The following TOX variants were observed in gnomAD, a reference collection of about 807,000 sequenced individuals.
TOX encodes the protein thymocyte selection associated high mobility group box, also known as thymocyte selection-associated high mobility group box protein TOX.
A neutral mutation model predicts 53.7 loss-of-function variants in TOX; 11 were observed. The observed-to-expected ratio is 0.20, with a 90% CI of 0.13 to 0.34. The LOEUF (loss-of-function observed/expected upper bound fraction) is 0.34. Ranked by LOEUF, TOX falls within the 10% of genes least tolerant of loss-of-function variation. TOX has a pLI of 1.00. For missense variants in TOX, 570 were observed against 664.6 expected, an observed-to-expected ratio of 0.86 and a Z score of 1.56; for synonymous variants, 225 against 245.3, an observed-to-expected ratio of 0.92 and a Z score of 0.77.
At chr8:59,046,137 G>C (rs1803678174) in intron 1 of TOX, among the ~76,000 whole-genome samples, 1 of 152,084 alleles carries the variant, frequency 6.6e-6, no homozygotes, top group South Asian at 2.1e-4. Context: ...TACCCTCCAT[G>C]TTGCATGTTT....
At chr8:59,070,181 C>G (rs1371433995) in intron 1 of TOX, among the ~76,000 whole-genome samples, 1 of 152,156 alleles carries the variant, frequency 6.6e-6, no homozygotes, top group Non-Finnish European at 1.5e-5. Flanking sequence ...GAATAATTCT[C>G]TCACATTTTT....
intron 1 of TOX, among the ~76,000 whole-genome samples, chr8:59,063,724 G>GAT (rs1160833165): frequency 6.6e-6 from 1 of 152,000 alleles, no homozygotes; most frequent in Non-Finnish European, 1.5e-5. Flanking sequence ...CCCGGCCCGG[G>GAT]ATAGACTTTT....
intron 1 of TOX, among the ~76,000 whole-genome samples, chr8:59,008,898 T>C (rs781028739): frequency 1.3e-5 from 2 of 152,172 alleles, no homozygotes; most frequent in African/African-American, 2.4e-5. Context: ...TAAACCACTT[T>C]TTTCGATAGG....
intron 1 of TOX, among the ~76,000 whole-genome samples, chr8:58,996,732 C>T (rs1441058548): frequency 6.6e-6 from 1 of 152,192 alleles, no homozygotes; most frequent in Non-Finnish European, 1.5e-5. Context: ...TTTCTAGCCA[C>T]ATTTATGCCC....
intron 1 of TOX, among the ~76,000 whole-genome samples, chr8:58,963,526 G>T (rs1397953449): frequency 6.6e-6 from 1 of 152,160 alleles, no homozygotes; most frequent in Admixed American, 6.5e-5. Flanking sequence ...GCTATCACTT[G>T]CTTTCTAGAG....
chr8:58,873,958 C>CTTTTTTTT (rs1173710545), intron 3 of TOX, among the ~76,000 whole-genome samples: 623 of 40,134 alleles, frequency 0.016, 213 homozygotes, highest in African/African-American at 0.071. Flanking sequence ...TGCCAGGAAG[C>CTTTTTTTT]TTTTTTTTTT....
chr8:59,034,318 A>T (rs970835606), intron 1 of TOX, among the ~76,000 whole-genome samples: 1 of 152,262 alleles, frequency 6.6e-6, no homozygotes, highest in East Asian at 1.9e-4. Flanking sequence ...ATTACTACAC[A>T]AACTGCTACC....
chr8:59,090,118 T>TC (rs1804585183), intron 1 of TOX, among the ~76,000 whole-genome samples: 1 of 152,224 alleles, frequency 6.6e-6, no homozygotes, highest in Non-Finnish European at 1.5e-5. Flanking sequence ...TTGAAGGGCT[T>TC]CTCAGAGCCT....
At chr8:58,939,609 A>AAC (rs3832587) in intron 2 of TOX, 65 bp from the exon 3 acceptor site, 632,063 of 1,544,564 alleles carry the variant, frequency 0.41, 131,461 homozygotes, top group South Asian at 0.56. Context: ...CATCATATCA[A>AAC]ACACTTGACC....
At chr8:58,884,014 A>C (rs980099352) in intron 3 of TOX, among the ~76,000 whole-genome samples, 1 of 152,174 alleles carries the variant, frequency 6.6e-6, no homozygotes, top group Non-Finnish European at 1.5e-5. Context: ...TGAACATTAA[A>C]AAAGAAAAAA....
intron 3 of TOX, among the ~76,000 whole-genome samples, chr8:58,872,991 T>C (rs919759498): frequency 8.5e-5 from 13 of 152,134 alleles, no homozygotes; most frequent in African/African-American, 2.9e-4. Context: ...TTTCACAATA[T>C]TTTTTTAAAT....
chr8:59,022,213 T>A (rs1188290845), intron 1 of TOX, among the ~76,000 whole-genome samples: 1 of 152,154 alleles, frequency 6.6e-6, no homozygotes, highest in Non-Finnish European at 1.5e-5. Flanking sequence ...TGAAATGGAG[T>A]TAAACTTAAG....
intron 2 of TOX, among the ~76,000 whole-genome samples, chr8:58,954,302 C>T (rs183715525): frequency 7.0e-4 from 106 of 152,224 alleles, no homozygotes; most frequent in African/African-American, 2.5e-3. Context: ...TAAATGTCTG[C>T]AATGCAGGGT....
At chr8:58,961,035 T>C (rs950739486) in intron 1 of TOX, among the ~76,000 whole-genome samples, 2 of 152,234 alleles carry the variant, frequency 1.3e-5, no homozygotes, top group African/African-American at 2.4e-5. Context: ...AATAGTGTTA[T>C]TGATAGTGGT....
At chr8:59,080,154 T>G (rs1383281558) in intron 1 of TOX, among the ~76,000 whole-genome samples, 5 of 152,100 alleles carry the variant, frequency 3.3e-5, no homozygotes, top group African/African-American at 1.2e-4. Context: ...GGCTGATTTT[T>G]GTATTTTTAG....
intron 5 of TOX, among the ~76,000 whole-genome samples, chr8:58,830,580 T>C (rs1328983536): frequency 6.6e-6 from 1 of 152,206 alleles, no homozygotes; most frequent in Non-Finnish European, 1.5e-5. Context: ...CCTTTTACTT[T>C]CTGCTTCTTC....
Position 58,851,950 on chromosome 8 carries a change from G to A in TOX, c.412-145C>T. 4.2e-6 allele frequency: 3 copies of A among 711,532 alleles called. No individual in the cohort carries two copies. Among genetic ancestry groups the A allele is most frequent in the African/African-American group, 1.9e-5 (1 of 54,014 alleles). 44.1% of individuals were successfully genotyped at this position (711,532 alleles called of 1,614,324 possible). On this transcript the variant is annotated intron_variant, in intron 3 of 8. Coordinates refer to ENST00000361421, the MANE Select transcript of TOX (RefSeq NM_014729.3). This position sits in a 1 kb window ranked among gnomAD's most constrained non-coding sequence, Gnocchi z 4.4. Reference sequence around the variant, plus strand: ...GTTACATACACATTTATTTTATCTGGGGTAAAATAATCCTAAAAGTATATA... The same window carrying A: ...GTTACATACACATTTATTTTATCTGAGGTAAAATAATCCTAAAAGTATATA...
chr8:59,088,958 T>G (rs565049083), intron 1 of TOX, among the ~76,000 whole-genome samples: 1 of 152,302 alleles, frequency 6.6e-6, no homozygotes, highest in African/African-American at 2.4e-5. Flanking sequence ...TAGTGAAATG[T>G]AATACTTAAC....
chr8:58,995,470 A>G (rs422729), intron 1 of TOX, among the ~76,000 whole-genome samples: 76,449 of 152,102 alleles, frequency 0.5, 21,363 homozygotes, highest in Non-Finnish European at 0.61. Flanking sequence ...CAAAATGACA[A>G]TCATCTTATT....
Sources: allele counts gnomAD v4.1 joint callset (sites outside exome capture counted in the v4.1 genomes callset), GRCh38; gene constraint gnomAD v4.1.1; non-coding constraint Gnocchi (gnomAD v3.1); transcripts MANE v1.5; gene names NCBI Gene and HGNC (gene_info 2026-07-23, HGNC 2026-07-21).